The following CEP128 variants were observed in gnomAD, a reference collection of about 807,000 sequenced individuals.
CEP128 encodes the protein centrosomal protein 128.
CEP128 carries 132 observed loss-of-function variants against 156.7 expected under a neutral mutation model. That is an observed-to-expected ratio of 0.84 (90% CI 0.73 to 0.97). The LOEUF is 0.97. CEP128 is among the 50% of genes least tolerant of loss of function. CEP128 has a pLI of 0.00. For missense variants in CEP128, 1,252 were observed against 1,281.9 expected (o/e 0.98, Z 0.36); for synonymous variants, 469 against 448.9 (o/e 1.04, Z -0.57).
intron 19 of CEP128, among the ~76,000 whole-genome samples, chr14:80,674,146 AAT>A (rs1256062263): frequency 6.6e-6 from 1 of 152,052 alleles, no homozygotes; most frequent in African/African-American, 2.4e-5. Context: ...TTTTAATCTG[AAT>A]AACCGGGTTC....
At chr14:80,714,240 C>G (rs1288063469) in intron 19 of CEP128, among the ~76,000 whole-genome samples, 1 of 152,086 alleles carries the variant, frequency 6.6e-6, no homozygotes, top group Non-Finnish European at 1.5e-5. Context: ...TGTGCATACA[C>G]TTGGAATTTT....
In CEP128 at chr14:80,904,848, C is replaced by T. The variant is rs1357204449; in HGVS notation, c.445G>A (p.Val149Ile). 1 of 1,609,334 alleles carries T rather than the reference C, an allele frequency of 6.2e-7. No individual in the cohort carries two copies. Reference protein sequence around the residue: ...GIKRMRSRTGVRFVQETDDMT... With the variant: ...GIKRMRSRTGIRFVQETDDMT... ...TCATCAGTCTCTTGAACAAACCGGACACCAGTTCTTGATCTCATTCGTTTA... is the reference window on the plus strand; with the variant it reads ...TCATCAGTCTCTTGAACAAACCGGATACCAGTTCTTGATCTCATTCGTTTA... Residue 149 changes from valine to isoleucine, a missense_variant, in exon 6 of 25, where the codon GTC becomes ATC. By Grantham distance (29) the Val-to-Ile change is conservative. Coordinates refer to ENST00000555265, the MANE Select transcript of CEP128 (RefSeq NM_152446.5).
At chr14:80,747,843 G>C (rs955156317) in intron 18 of CEP128, among the ~76,000 whole-genome samples, 1 of 152,144 alleles carries the variant, frequency 6.6e-6, no homozygotes, top group Non-Finnish European at 1.5e-5. Flanking sequence ...GGGACAGAAA[G>C]ATTAGTGGCA....
At chr14:80,812,402 T>C (rs963213238) in intron 13 of CEP128, among the ~76,000 whole-genome samples, 3 of 152,368 alleles carry the variant, frequency 2.0e-5, no homozygotes, top group Admixed American at 6.5e-5. Context: ...AGCCTCATAT[T>C]CCTTTCAGTA....
At chr14:80,830,048 A>G (rs1885701676) in intron 13 of CEP128, 1 of 392,574 alleles carries the variant, frequency 2.5e-6, no homozygotes, top group Non-Finnish European at 4.6e-6. Context: ...CTTTCTTTTT[A>G]AATACGTGAC....
intron 21 of CEP128, among the ~76,000 whole-genome samples, chr14:80,548,085 C>A (rs1461008650): frequency 1.3e-5 from 2 of 152,034 alleles, no homozygotes; most frequent in African/African-American, 4.8e-5. Flanking sequence ...CAGGTGTGAG[C>A]CACTGCGCCC....
rs760305607 is a variant in CEP128, at chr14:80,497,562, C to T, written c.3202G>A (p.Ala1068Thr). 6 of 1,612,464 alleles carry T rather than the reference C, an allele frequency of 3.7e-6. No individual in the cohort carries two copies. In the East Asian group the frequency reaches 6.7e-5, roughly 18 times the overall value. Residue 1068 changes from alanine to threonine, a missense_variant, in exon 25 of 25, where the codon GCT (alanine) becomes ACT (threonine). Transcript: ENST00000555265. ...TCCTTGTTTGAAGCTGAATCTGGAG[C>T]AACAGTTCTTTTGGTAAATGCTGGC... ...YVNSFTKRTV[A>T]PDSASNKEDA...
intron 19 of CEP128, among the ~76,000 whole-genome samples, chr14:80,625,608 T>C (rs1020714443): frequency 1.3e-5 from 2 of 152,174 alleles, no homozygotes; most frequent in African/African-American, 4.8e-5. Flanking sequence ...ATTCCATTTT[T>C]TGTGTCCTCT....
intron 19 of CEP128, among the ~76,000 whole-genome samples, chr14:80,660,824 T>C (rs1364168549): frequency 6.6e-6 from 1 of 152,172 alleles, no homozygotes; most frequent in Admixed American, 6.6e-5. Context: ...GGCTATCCTG[T>C]CTCTTCAGCA....
chr14:80,929,507 G>A (rs2139576131), intron 2 of CEP128, among the ~76,000 whole-genome samples: 1 of 152,288 alleles, frequency 6.6e-6, no homozygotes, highest in South Asian at 2.1e-4. Context: ...GGAAAATGTG[G>A]TATATATGTA....
At chr14:80,502,327 A>C (rs1287675076) in intron 24 of CEP128, among the ~76,000 whole-genome samples, 1 of 152,176 alleles carries the variant, frequency 6.6e-6, no homozygotes, top group Non-Finnish European at 1.5e-5. Context: ...CACGGGCATC[A>C]ATATAGGAAA....
chr14:80,664,670 A>C (rs1421921097), intron 19 of CEP128, among the ~76,000 whole-genome samples: 1 of 152,194 alleles, frequency 6.6e-6, no homozygotes, highest in Non-Finnish European at 1.5e-5. Flanking sequence ...GATTCAATCA[A>C]AGCTAGGTCT....
At position 80,723,082 on chromosome 14, in the gene CEP128, T is replaced by A. The variant is rs530900281; in HGVS notation, c.2806+19993A>T. ...ACCTTGTGATCCGCCCGCCTCGGCCTCCCAAAGTGCTGGTATTACAGCCAT... is the reference window on the plus strand; with the variant it reads ...ACCTTGTGATCCGCCCGCCTCGGCCACCCAAAGTGCTGGTATTACAGCCAT... On this transcript the variant is annotated intron_variant, in intron 19 of 24. Coordinates refer to ENST00000555265, the MANE Select transcript of CEP128 (RefSeq NM_152446.5). Among the ~76,000 whole-genome samples the A allele has an allele frequency of 3.9e-5, 6 of 152,160 alleles. No individual in the cohort carries two copies. In the East Asian group the frequency reaches 1.2e-3, roughly 29 times the overall value.
At position 80,580,423 on chromosome 14, in the gene CEP128, T is replaced by C; in HGVS notation, c.2807A>G (p.Asp936Gly). The C allele has an allele frequency of 6.3e-7, 1 of 1,590,212 alleles. No individual in the cohort carries two copies. The highest frequency in any genetic ancestry group is 8.6e-7 in the Non-Finnish European group (1 of 1,160,800). Residue 936 changes from aspartate (D) to glycine (G), a missense_variant and splice_region_variant, in exon 20 of 25, where the codon GAT becomes GGT. Asp to Gly is a moderately conservative substitution (Grantham distance 94). Transcript: ENST00000555265. ...TTTTCTTTGGGTCTCTTCCAGTAGA[T>C]CTGTAATAAGAAAGTAAAATACCCA... ...LLDEIHREKR[D>G]LLEETQRKDE... is the part of the protein sequence containing the mutation.
chr14:80,611,579 C>G (rs1232279556), intron 19 of CEP128, among the ~76,000 whole-genome samples: 2 of 152,074 alleles, frequency 1.3e-5, no homozygotes, highest in African/African-American at 4.8e-5. Context: ...TATCATCACA[C>G]AAGCCAAAGA....
chr14:80,655,940 T>G (rs1895114441), intron 19 of CEP128, among the ~76,000 whole-genome samples: 2 of 151,984 alleles, frequency 1.3e-5, no homozygotes, highest in Non-Finnish European at 2.9e-5. Flanking sequence ...TAGTTTGAGT[T>G]TATCTTCTTT....
chr14:80,618,476 G>A (rs894926937), intron 19 of CEP128, among the ~76,000 whole-genome samples: 2 of 152,206 alleles, frequency 1.3e-5, no homozygotes, highest in Non-Finnish European at 2.9e-5. Flanking sequence ...TGAAATGTGG[G>A]ATAAAACAAA....
chr14:80,746,691 C>T (rs965638618), intron 18 of CEP128, among the ~76,000 whole-genome samples: 1 of 152,150 alleles, frequency 6.6e-6, no homozygotes, highest in African/African-American at 2.4e-5. Flanking sequence ...CAATAGCTTC[C>T]TAGGTGTAAC....
At chr14:80,612,910 G>A (rs1018863036) in intron 19 of CEP128, among the ~76,000 whole-genome samples, 2 of 151,410 alleles carry the variant, frequency 1.3e-5, no homozygotes, top group Non-Finnish European at 2.9e-5. Context: ...GCACTATCTC[G>A]GCTCACTGCA....
Sources: gnomAD v4.1 joint callset for allele counts (sites outside exome capture counted in the v4.1 genomes callset) on GRCh38, gnomAD v4.1.1 for gene constraint, MANE v1.5 for transcripts, NCBI Gene and HGNC (gene_info 2026-07-23, HGNC 2026-07-21) for gene names.